Variants in PRICKLE1 observed in about 807,000 individuals in gnomAD.
PRICKLE1 encodes prickle-like protein 1.
Under a neutral mutation model 70.2 loss-of-function variants are expected in PRICKLE1, and 14 were observed. The observed-to-expected ratio is 0.20, with a 90% CI of 0.13 to 0.31. PRICKLE1 has a LOEUF of 0.31. Ranked by LOEUF, PRICKLE1 falls within the 10% of genes least tolerant of loss-of-function variation. The probability of loss-of-function intolerance (pLI) is 1.00; values close to 1 mark genes in which losing one functional copy is unlikely to be tolerated. For missense variants in PRICKLE1, 821 were observed against 1,026.2 expected (o/e 0.80, Z 2.73); for synonymous variants, 357 against 379.9 (o/e 0.94, Z 0.70).
At chr12:42,570,917 A>C (rs1940701231) in intron 1 of PRICKLE1, among the ~76,000 whole-genome samples, 1 of 152,218 alleles carries the variant, frequency 6.6e-6, no homozygotes, top group South Asian at 2.1e-4. Flanking sequence ...AATAAAGAAT[A>C]GAATATTTAG....
At chr12:42,581,818 A>T (rs1455126232) in intron 1 of PRICKLE1, among the ~76,000 whole-genome samples, 2 of 152,250 alleles carry the variant, frequency 1.3e-5, no homozygotes, top group Admixed American at 6.5e-5. Context: ...CAGTAACAAA[A>T]AAAGACCCAT....
intron 1 of PRICKLE1, among the ~76,000 whole-genome samples, chr12:42,478,571 A>G (rs556008771): frequency 1.7e-4 from 26 of 152,286 alleles, no homozygotes; most frequent in African/African-American, 5.1e-4. Flanking sequence ...TTAATTCTCT[A>G]GCAGGTTCAT....
intron 1 of PRICKLE1, among the ~76,000 whole-genome samples, chr12:42,560,119 A>G (rs1171131403): frequency 1.2e-5 from 1 of 83,082 alleles, no homozygotes; most frequent in Non-Finnish European, 2.1e-5. Context: ...TATTATTATT[A>G]TTATTATTAT....
chr12:42,464,289 G>A lies in PRICKLE1; in HGVS notation c.1639+106C>T, dbSNP rs1937986100. On this transcript the variant is annotated intron_variant, in intron 7 of 7. Coordinates refer to ENST00000345127, the MANE Select transcript of PRICKLE1 (RefSeq NM_153026.3). The surrounding 1 kb of genome is among the most constrained non-coding windows in gnomAD (Gnocchi z 4.2). ...GCCCACCTCAGCCTCCCATAGTGCT[G>A]GAATTATAGGCATGAGCCACTGCGC... 7.2e-6 allele frequency: 10 copies of A among 1,383,576 alleles called. No individual in the cohort carries two copies. The South Asian group carries it at 1.0e-4, about 15-fold the overall frequency. 85.7% of individuals were successfully genotyped at this position (1,383,576 alleles called of 1,614,324 possible).
chr12:42,574,903 A>G (rs1457111807), intron 1 of PRICKLE1, among the ~76,000 whole-genome samples: 1 of 151,542 alleles, frequency 6.6e-6, no homozygotes, highest in African/African-American at 2.4e-5. Flanking sequence ...CTGCTTGGTA[A>G]AGCTTTTTTT....
rs111559721 is a variant in PRICKLE1 at position 42,473,996 on chromosome 12, G to A, written c.-48-1432C>T. ...CTATTAAAACCTTTGATTATTGGCC[G>A]GGCGTGGTAGCTCACACCTGTAATC... On this transcript the variant is annotated intron_variant, in intron 1 of 7. Transcript: ENST00000345127. 5.4e-3 allele frequency among the ~76,000 whole-genome samples: 817 copies of A among 152,206 alleles called. 3 individuals carry two copies. Among genetic ancestry groups the A allele is most frequent in the Non-Finnish European group, 8.9e-3 (606 of 68,014 alleles).
At chr12:42,497,543 T>A (rs1460125723) in intron 1 of PRICKLE1, among the ~76,000 whole-genome samples, 3 of 68,322 alleles carry the variant, frequency 4.4e-5, no homozygotes, top group African/African-American at 4.7e-5. Flanking sequence ...CGAGACTCCA[T>A]CTCAAAAAAA....
chr12:42,580,822 C>T (rs2120795191), intron 1 of PRICKLE1, among the ~76,000 whole-genome samples: 1 of 151,824 alleles, frequency 6.6e-6, no homozygotes, highest in South Asian at 2.1e-4. Context: ...AGCAAAATAT[C>T]AATGACTACT....
At chr12:42,554,746 T>C (rs928835088) in intron 1 of PRICKLE1, among the ~76,000 whole-genome samples, 10 of 152,214 alleles carry the variant, frequency 6.6e-5, no homozygotes, top group Non-Finnish European at 1.2e-4. Context: ...ATTCTCTTCG[T>C]GGTGAAGGTT....
chr12:42,477,408 T>A (rs200512687), intron 1 of PRICKLE1, among the ~76,000 whole-genome samples: 1 of 134,508 alleles, frequency 7.4e-6, no homozygotes, highest in Non-Finnish European at 1.6e-5. Flanking sequence ...TATATACACA[T>A]ATTATATATA....
At chr12:42,490,217 C>T (rs1939071206) in intron 1 of PRICKLE1, among the ~76,000 whole-genome samples, 2 of 152,196 alleles carry the variant, frequency 1.3e-5, no homozygotes, top group South Asian at 4.1e-4. Context: ...GATTCAGGAA[C>T]CGTGAAGGTG....
chr12:42,536,140 A>G (rs1385096556), intron 1 of PRICKLE1, among the ~76,000 whole-genome samples: 1 of 152,256 alleles, frequency 6.6e-6, no homozygotes, highest in Non-Finnish European at 1.5e-5. Context: ...AAAGATAAAG[A>G]GAATGGAAAA....
At chr12:42,505,384 C>T (rs1939390753) in intron 1 of PRICKLE1, among the ~76,000 whole-genome samples, 1 of 152,184 alleles carries the variant, frequency 6.6e-6, no homozygotes, top group African/African-American at 2.4e-5. Flanking sequence ...AATAAGGCAA[C>T]AGCACTTGCT....
intron 1 of PRICKLE1, among the ~76,000 whole-genome samples, chr12:42,507,117 T>G (rs1939434679): frequency 6.6e-6 from 1 of 152,198 alleles, no homozygotes; most frequent in South Asian, 2.1e-4. Context: ...ATGAAGCTTT[T>G]GAGGTGAGTG....
intron 5 of PRICKLE1, among the ~76,000 whole-genome samples, chr12:42,467,358 G>A (rs1037832093): frequency 7.2e-5 from 11 of 152,156 alleles, no homozygotes; most frequent in Non-Finnish European, 2.9e-5. Context: ...CTCGTGATCT[G>A]CCCATCTCGG....
intron 1 of PRICKLE1, chr12:42,489,728 T>A (rs1039060281): frequency 6.7e-6 from 1 of 149,108 alleles, no homozygotes; most frequent in Non-Finnish European, 1.5e-5. Context: ...GATACCTGAA[T>A]GCATACTTCC....
chr12:42,583,640 G>A (rs1940940156), intron 1 of PRICKLE1, among the ~76,000 whole-genome samples: 1 of 152,074 alleles, frequency 6.6e-6, no homozygotes, highest in Admixed American at 6.5e-5. Context: ...GTCTCTACAG[G>A]GGCTACATGA....
At chr12:42,481,823 A>G (rs1387940430) in intron 1 of PRICKLE1, among the ~76,000 whole-genome samples, 1 of 152,258 alleles carries the variant, frequency 6.6e-6, no homozygotes. Context: ...ATTTTCCAGT[A>G]AAAGAGACAC....
In PRICKLE1 at chr12:42,464,330, A is replaced by AT; in HGVS notation, c.1639+64dup. ...GCCACTGCGCCTGGCTTGAATTGCA[A>AT]TTTTTTGAATACACTTTTTAGTAGC... On this transcript the variant is annotated intron_variant, in intron 7 of 7. Transcript: ENST00000345127. This position sits in a 1 kb window ranked among gnomAD's most constrained non-coding sequence, Gnocchi z 4.2. 6.2e-7 allele frequency: 1 copy of AT among 1,608,124 alleles called. No individual in the cohort carries two copies. The highest frequency in any genetic ancestry group is 1.1e-5 in the South Asian group (1 of 90,428).
Sources: gnomAD v4.1 joint callset for allele counts (sites outside exome capture counted in the v4.1 genomes callset) on GRCh38, gnomAD v4.1.1 for gene constraint, Gnocchi (gnomAD v3.1) non-coding constraint, MANE v1.5 for transcripts, NCBI Gene and HGNC (gene_info 2026-07-23, HGNC 2026-07-21) for gene names.